Variants in ANO3 observed in about 807,000 individuals in gnomAD.
The protein encoded by ANO3 is anoctamin-3.
In ANO3, 99 loss-of-function variants were observed where a neutral mutation model predicts 144.8. The ratio of observed to expected loss-of-function variants is 0.68; its 90% CI spans 0.58 to 0.81. The LOEUF (loss-of-function observed/expected upper bound fraction) is 0.81, where lower values mean the gene tolerates loss of function less well. Ranked by LOEUF, ANO3 falls within the 30% of genes least tolerant of loss-of-function variation. The pLI is 0.00. For synonymous variants in ANO3, 414 were observed against 392.6 expected, an observed-to-expected ratio of 1.05 and a Z score of -0.64; for missense variants, 905 against 1,202.2, an observed-to-expected ratio of 0.75 and a Z score of 3.66.
chr11:26,599,037 C>A, intron 16 of ANO3, 39 bp downstream of exon 16: 3 of 1,601,342 alleles, frequency 1.9e-6, no homozygotes, highest in Non-Finnish European at 2.6e-6. Context: ...TTTTGGGATT[C>A]TAAATTTAGA....
intron 1 of ANO3, among the ~76,000 whole-genome samples, chr11:26,436,067 G>A (rs1858284335): frequency 6.6e-6 from 1 of 152,144 alleles, no homozygotes; most frequent in African/African-American, 2.4e-5. Flanking sequence ...GTCATGTGGG[G>A]GCAGGGAGGT....
chr11:26,242,960 T>G (rs1481763393), intron 1 of ANO3, among the ~76,000 whole-genome samples: 1 of 152,320 alleles, frequency 6.6e-6, no homozygotes. Flanking sequence ...TGATGTTTAT[T>G]GTATATCATC....
At chr11:26,194,440 G>GTGTGTGTGTGTGTA (rs1554920698) in intron 1 of ANO3, among the ~76,000 whole-genome samples, 15 of 26,206 alleles carry the variant, frequency 5.7e-4, no homozygotes, top group African/African-American at 2.1e-3. Context: ...GTACATAGTG[G>GTGTGTGTGTGTGTA]TGTGTGTGTG....
intron 1 of ANO3, among the ~76,000 whole-genome samples, chr11:26,360,127 G>A (rs142364485): frequency 6.7e-6 from 1 of 149,366 alleles, no homozygotes; most frequent in East Asian, 2.0e-4. Flanking sequence ...AATTTTCATT[G>A]ACATTTTTTC....
At position 26,465,915 on chromosome 11, in the gene ANO3, G is replaced by A. The variant is rs148647983; in HGVS notation, c.432+2767G>A. On this transcript the variant is annotated intron_variant, in intron 4 of 26. Transcript: ENST00000256737. ...TATTTATGAGTAACTATAGTTTGCT[G>A]TAGAATTAATCTTCAGAACAATGCA... is the stretch of plus-strand genomic sequence containing the variant. 3.4e-3 allele frequency among the ~76,000 whole-genome samples: 518 copies of A among 152,008 alleles called. 2 individuals carry two copies. The highest frequency in any genetic ancestry group is 6.2e-3 in the Non-Finnish European group (424 of 67,904).
chr11:26,438,624 A>AAAAAAAAGGAAAAAAAAAAAAT (rs1858392194), intron 1 of ANO3, among the ~76,000 whole-genome samples: 1 of 137,944 alleles, frequency 7.2e-6, no homozygotes, highest in Non-Finnish European at 1.6e-5. Flanking sequence ...AAAAAAAAAA[A>AAAAAAAAGGAAAAAAAAAAAAT]GAAAATAGCC....
intron 1 of ANO3, among the ~76,000 whole-genome samples, chr11:26,417,548 T>C (rs1857626643): frequency 6.6e-6 from 1 of 151,736 alleles, no homozygotes; most frequent in Non-Finnish European, 1.5e-5. Context: ...AGCAACAGAG[T>C]ATAGGAAAAT....
intron 4 of ANO3, among the ~76,000 whole-genome samples, chr11:26,467,230 TATA>T (rs1859630790): frequency 6.6e-6 from 1 of 151,920 alleles, no homozygotes; most frequent in Non-Finnish European, 1.5e-5. Context: ...GCATACAAAA[TATA>T]ATAATTACAT....
At chr11:26,274,231 C>G (rs1474938679) in intron 1 of ANO3, among the ~76,000 whole-genome samples, 1 of 152,086 alleles carries the variant, frequency 6.6e-6, no homozygotes, top group East Asian at 1.9e-4. Context: ...AAACAATATA[C>G]AAATATACAA....
chr11:26,531,994 A>G (rs982149305), intron 8 of ANO3, among the ~76,000 whole-genome samples: 5 of 152,192 alleles, frequency 3.3e-5, no homozygotes, highest in Admixed American at 2.0e-4. Context: ...TAAATTTATA[A>G]TTAACTGGGG....
At chr11:26,273,284 G>T (rs940305560) in intron 1 of ANO3, among the ~76,000 whole-genome samples, 1 of 147,652 alleles carries the variant, frequency 6.8e-6, no homozygotes, top group African/African-American at 2.5e-5. Flanking sequence ...GCCCCCATGA[G>T]TTCAGCACCG....
At chr11:26,440,071 T>G (rs1372700382) in intron 1 of ANO3, among the ~76,000 whole-genome samples, 1 of 152,026 alleles carries the variant, frequency 6.6e-6, no homozygotes, top group African/African-American at 2.4e-5. Context: ...CAACACTGGG[T>G]GTGGGCGGAG....
intron 1 of ANO3, among the ~76,000 whole-genome samples, chr11:26,334,247 C>T (rs1354333502): frequency 2.0e-5 from 3 of 152,126 alleles, no homozygotes; most frequent in Admixed American, 6.5e-5. Flanking sequence ...AGGAGTACTC[C>T]GGTAGGAAGG....
chr11:26,452,626 G>A (rs570053017), intron 3 of ANO3, among the ~76,000 whole-genome samples: 84 of 152,264 alleles, frequency 5.5e-4, no homozygotes, highest in South Asian at 5.0e-3. Flanking sequence ...AAAGTGACGG[G>A]GAGAATGGAA....
At chr11:26,616,918 G>T (rs377145899) in intron 17 of ANO3, among the ~76,000 whole-genome samples, 2 of 152,130 alleles carry the variant, frequency 1.3e-5, no homozygotes, top group East Asian at 3.9e-4. Flanking sequence ...GACTACAGGC[G>T]CACGCCATCA....
chr11:26,273,081 G>A (rs1853478015), intron 1 of ANO3, among the ~76,000 whole-genome samples: 1 of 152,034 alleles, frequency 6.6e-6, no homozygotes, highest in Non-Finnish European at 1.5e-5. Context: ...GTGTCTGAAG[G>A]GAAAATAATA....
chr11:26,541,981 A>G lies in ANO3; in HGVS notation c.1067A>G (p.His356Arg), dbSNP rs1254174023. ...AYKSSQPIKT[H>R]GPQNNRHLLY... ...AAAAGTAGCCAGCCCATTAAAACCC[A>G]TGGACCTCAGAATAACAGACATCTA... is the stretch of plus-strand genomic sequence containing the variant. The change falls in exon 11 of 27, where the codon CAT becomes CGT. Residue 356 changes from histidine (H) to arginine (R), a missense_variant. This residue lies in a region of ANO3 where 597 missense variants were observed against 865.1 expected (regional missense o/e 0.69). Coordinates refer to ENST00000256737, the MANE Select transcript of ANO3 (RefSeq NM_031418.4). 6.2e-7 allele frequency: 1 copy of G among 1,612,816 alleles called. No homozygotes were observed. The highest frequency in any genetic ancestry group is 8.5e-7 in the Non-Finnish European group (1 of 1,179,188).
chr11:26,190,098 TTA>T (rs1174963272), intron 1 of ANO3, among the ~76,000 whole-genome samples: 2 of 152,196 alleles, frequency 1.3e-5, no homozygotes, highest in Non-Finnish European at 2.9e-5. Flanking sequence ...CATAATTTGT[TTA>T]TCCTTCCTTA....
At chr11:26,306,145 T>G (rs1854376617), upstream of ANO3, among the ~76,000 whole-genome samples, 1 of 138,268 alleles carries the variant, frequency 7.2e-6, no homozygotes, top group Non-Finnish European at 1.5e-5. Context: ...TTTTTTTTTT[T>G]TTGTATTTTT....
Sources: gnomAD v4.1 joint callset for allele counts (sites outside exome capture counted in the v4.1 genomes callset) on GRCh38, gnomAD v4.1.1 for gene constraint, gnomAD v4.1.1 regional missense constraint, MANE v1.5 for transcripts, NCBI Gene and HGNC (gene_info 2026-07-23, HGNC 2026-07-21) for gene names.